The following LGSN variants were observed in gnomAD, a reference collection of about 807,000 sequenced individuals.
LGSN encodes lengsin.
In LGSN, 21 loss-of-function variants were observed where a neutral mutation model predicts 19.5. That is an observed-to-expected ratio of 1.07 (90% CI 0.76 to 1.55). The LOEUF is 1.55. Ranked by LOEUF, LGSN falls within the 40% of genes most tolerant of loss-of-function variation. LGSN has a pLI of 0.00. For missense variants in LGSN, 673 were observed against 608.5 expected, an observed-to-expected ratio of 1.11 and a Z score of -1.12; for synonymous variants, 257 against 215.6, an observed-to-expected ratio of 1.19 and a Z score of -1.68.
the LGSN span, among the ~76,000 whole-genome samples, chr6:63,413,994 C>A: frequency 7.9e-5 from 12 of 152,042 alleles, no homozygotes; most frequent in Admixed American, 3.3e-4. Flanking sequence ...GTATTGGTGG[C>A]TGTTATTAAA....
At chr6:63,334,982 CA>C in the LGSN span, among the ~76,000 whole-genome samples, 798 of 141,202 alleles carry the variant, frequency 5.7e-3, 3 homozygotes, top group African/African-American at 0.011. Context: ...ACTAAAAATA[CA>C]AAAAAAAAAA....
chr6:63,280,438 C>T lies in LGSN; in HGVS notation c.1113G>A (p.Lys371=), dbSNP rs757079627. The change falls in exon 4 of 4, where the codon AAG becomes AAA. Residue 371 remains lysine (K), a synonymous_variant. Coordinates refer to ENST00000370657, the MANE Select transcript of LGSN (RefSeq NM_016571.3). ...PSVSCRKRYS[K]DRKDLKKSVP... is the part of the protein sequence containing the mutation. ...CACTCTTCTTCAGGTCTTTCCTGTC[C>T]TTGGAATAACGCTTTCGGCAGCTAA... is the stretch of plus-strand genomic sequence containing the variant. 27 of 1,614,054 alleles carry T rather than the reference C, an allele frequency of 1.7e-5. No homozygotes were observed. The South Asian group carries it at 2.6e-4, about 16-fold the overall frequency.
At chr6:63,492,681 C>G in the LGSN span, among the ~76,000 whole-genome samples, 3 of 152,190 alleles carry the variant, frequency 2.0e-5, no homozygotes, top group Non-Finnish European at 4.4e-5. Context: ...ACAAAGACAG[C>G]AAAGCTTTTC....
intron 1 of LGSN, among the ~76,000 whole-genome samples, chr6:63,319,244 A>G (rs1768992610): frequency 6.6e-6 from 1 of 152,188 alleles, no homozygotes; most frequent in Non-Finnish European, 1.5e-5. Flanking sequence ...TGCACTCTTC[A>G]CATAGTAGGT....
chr6:63,532,918 T>C, the LGSN span, among the ~76,000 whole-genome samples: 1 of 152,210 alleles, frequency 6.6e-6, no homozygotes. Flanking sequence ...AATTAATGTA[T>C]TGCACTAAGG....
chr6:63,424,142 G>A, the LGSN span, among the ~76,000 whole-genome samples: 1 of 152,054 alleles, frequency 6.6e-6, no homozygotes, highest in East Asian at 1.9e-4. Context: ...AGAAATAGGG[G>A]ATATCACTAC....
chr6:63,351,585 C>A, the LGSN span, among the ~76,000 whole-genome samples: 1 of 152,170 alleles, frequency 6.6e-6, no homozygotes, highest in East Asian at 1.9e-4. Context: ...CAGCTTCAAG[C>A]AGCTGGGATT....
chr6:63,288,267 A>AAATAAAT (rs1432386783), intron 2 of LGSN, among the ~76,000 whole-genome samples: 4 of 130,180 alleles, frequency 3.1e-5, no homozygotes, highest in Admixed American at 7.4e-5. Flanking sequence ...ATAAATAAAT[A>AAATAAAT]AATAATAATA....
chr6:63,457,976 T>C, the LGSN span, among the ~76,000 whole-genome samples: 3 of 152,200 alleles, frequency 2.0e-5, no homozygotes, highest in Non-Finnish European at 2.9e-5. Context: ...GTTGGAAACC[T>C]TTATTTAATG....
At chr6:63,572,545 G>T in the LGSN span, 566 of 396,348 alleles carry the variant, frequency 1.4e-3, 4 homozygotes, top group Middle Eastern at 0.016. Flanking sequence ...GCTCCGAGCC[G>T]CTCACTGCAT....
At chr6:63,306,145 T>C (rs1450057386) in intron 1 of LGSN, among the ~76,000 whole-genome samples, 1 of 152,158 alleles carries the variant, frequency 6.6e-6, no homozygotes, top group African/African-American at 2.4e-5. Context: ...ATCCAGACAA[T>C]ATTTTATATT....
At chr6:63,314,677 G>A (rs910406886) in intron 1 of LGSN, among the ~76,000 whole-genome samples, 6 of 152,156 alleles carry the variant, frequency 3.9e-5, no homozygotes, top group Non-Finnish European at 7.4e-5. Flanking sequence ...AAAGGTGGAG[G>A]GTTGTGATGC....
the LGSN span, chr6:63,441,293 G>A: frequency 1.1e-5 from 5 of 448,768 alleles, no homozygotes; most frequent in South Asian, 4.1e-5. Flanking sequence ...AGAACAAGCC[G>A]CAGCACCCAC....
the LGSN span, among the ~76,000 whole-genome samples, chr6:63,409,234 T>A: frequency 6.6e-6 from 1 of 152,210 alleles, no homozygotes; most frequent in African/African-American, 2.4e-5. Context: ...TGTAATGTCA[T>A]AAATACATGA....
At chr6:63,365,735 C>T in the LGSN span, among the ~76,000 whole-genome samples, 1 of 152,136 alleles carries the variant, frequency 6.6e-6, no homozygotes, top group African/African-American at 2.4e-5. Context: ...AAAGCTTATC[C>T]ACCACAATTA....
the LGSN span, among the ~76,000 whole-genome samples, chr6:63,531,173 C>T: frequency 3.7e-4 from 56 of 152,272 alleles, no homozygotes; most frequent in African/African-American, 1.3e-3. Context: ...ATCAAGATAA[C>T]TGCAAGCAAT....
the LGSN span, among the ~76,000 whole-genome samples, chr6:63,465,876 C>G: frequency 6.6e-6 from 1 of 152,136 alleles, no homozygotes; most frequent in Non-Finnish European, 1.5e-5. Flanking sequence ...AAGCAGCAAG[C>G]ACTCTGGCCA....
chr6:63,422,166 C>T, the LGSN span, among the ~76,000 whole-genome samples: 3 of 152,166 alleles, frequency 2.0e-5, no homozygotes, highest in South Asian at 2.1e-4. Flanking sequence ...CGGGTTCAAG[C>T]GATCCTCCCA....
chr6:63,338,617 T>G, the LGSN span, among the ~76,000 whole-genome samples: 1 of 152,166 alleles, frequency 6.6e-6, no homozygotes, highest in Admixed American at 6.5e-5. Context: ...AGCTAACAGT[T>G]TATTGATTTT....
Sources: allele counts gnomAD v4.1 joint callset (sites outside exome capture counted in the v4.1 genomes callset), GRCh38; gene constraint gnomAD v4.1.1; transcripts MANE v1.5; gene names NCBI Gene and HGNC (gene_info 2026-07-23, HGNC 2026-07-21).